XIRP2: variants seen among roughly 807,000 people sequenced by gnomAD.
The protein encoded by XIRP2 is xin actin-binding repeat-containing protein 2.
XIRP2 carries 236 observed loss-of-function variants against 277.0 expected under a neutral mutation model. The observed-to-expected ratio is 0.85, with a 90% confidence interval of 0.77 to 0.95. The LOEUF is 0.95. Ranked by LOEUF, XIRP2 falls within the 40% of genes least tolerant of loss-of-function variation. The pLI is 0.00. For synonymous variants in XIRP2, 1,490 were observed against 1,416.5 expected, an observed-to-expected ratio of 1.05 and a Z score of -1.17; for missense variants, 4,640 against 4,157.5, an observed-to-expected ratio of 1.12 and a Z score of -3.19.
At chr2:167,176,280 T>A (rs551335657) in intron 3 of XIRP2, among the ~76,000 whole-genome samples, 117 of 152,004 alleles carry the variant, frequency 7.7e-4, no homozygotes, top group African/African-American at 2.7e-3. Flanking sequence ...CCCCTTACAC[T>A]TCCCACGTGA....
rs1445397269 is a variant in XIRP2 at position 167,246,139 on chromosome 2, G to C, written c.4747G>C (p.Ala1583Pro). 1 of 1,613,112 alleles carries C rather than the reference G, an allele frequency of 6.2e-7. No homozygotes were observed. The change falls in exon 9 of 11, where the codon GCA (alanine) becomes CCA (proline). Residue 1583 changes from alanine (A) to proline (P), a missense_variant. Transcript: ENST00000409195. ...EADEIGDVRM[A>P]KYKLMNQASP... ...TGATGAAATAGGGGATGTTCGAATG[G>C]CAAAATACAAGCTAATGAACCAAGC...
At chr2:167,240,611 A>G in intron 6 of XIRP2, 53 bp from the exon 7 acceptor site, 1 of 1,502,568 alleles carries the variant, frequency 6.7e-7, no homozygotes, top group Admixed American at 1.7e-5. Flanking sequence ...TTGTAGTACT[A>G]AAATAATTGA....
chr2:167,026,930 C>T (rs1456940723), intron 2 of XIRP2, among the ~76,000 whole-genome samples: 2 of 152,074 alleles, frequency 1.3e-5, no homozygotes, highest in African/African-American at 4.8e-5. Flanking sequence ...TCTGGCTGCC[C>T]TTAACATTTT....
chr2:167,200,098 G>C (rs759179683), intron 3 of XIRP2, among the ~76,000 whole-genome samples: 2 of 152,192 alleles, frequency 1.3e-5, no homozygotes, highest in Non-Finnish European at 2.9e-5. Context: ...AAGGAGATGC[G>C]TATTCAAACT....
chr2:167,037,742 A>G (rs996210022), intron 2 of XIRP2, among the ~76,000 whole-genome samples: 7 of 152,104 alleles, frequency 4.6e-5, no homozygotes, highest in African/African-American at 1.7e-4. Context: ...GGAAAACATT[A>G]AAAACATAAT....
chr2:167,191,768 C>T (rs1238525538), intron 3 of XIRP2, among the ~76,000 whole-genome samples: 1 of 152,136 alleles, frequency 6.6e-6, no homozygotes, highest in Non-Finnish European at 1.5e-5. Context: ...AGATCTTTGT[C>T]TTTTACATTT....
intron 2 of XIRP2, among the ~76,000 whole-genome samples, chr2:166,946,986 A>G (rs954582357): frequency 2.6e-5 from 4 of 152,170 alleles, no homozygotes; most frequent in African/African-American, 9.6e-5. Flanking sequence ...AATGAAAGGC[A>G]TAGCCCCCAC....
chr2:167,045,452 C>T (rs1446381189), intron 2 of XIRP2, among the ~76,000 whole-genome samples: 1 of 151,880 alleles, frequency 6.6e-6, no homozygotes, highest in Non-Finnish European at 1.5e-5. Context: ...ACTATCATGA[C>T]CGAGTAAACA....
At chr2:167,080,230 A>C (rs551698731) in intron 2 of XIRP2, among the ~76,000 whole-genome samples, 1 of 152,320 alleles carries the variant, frequency 6.6e-6, no homozygotes, top group South Asian at 2.1e-4. Flanking sequence ...TGAAGGAAAG[A>C]TGTGGGGTAA....
chr2:167,052,354 A>G (rs1688936339), intron 2 of XIRP2, among the ~76,000 whole-genome samples: 1 of 152,090 alleles, frequency 6.6e-6, no homozygotes, highest in Admixed American at 6.6e-5. Flanking sequence ...TATCTAATCC[A>G]ATTAAAATCT....
At chr2:167,218,435 G>A in intron 5 of XIRP2, 135 bp downstream of exon 5, 1 of 1,001,066 alleles carries the variant, frequency 1.0e-6, no homozygotes, top group Non-Finnish European at 1.3e-6. Flanking sequence ...GCTTTGAAAT[G>A]TTCTAGAAAA....
At chr2:167,031,018 CT>C (rs35008535) in intron 2 of XIRP2, among the ~76,000 whole-genome samples, 114 of 144,132 alleles carry the variant, frequency 7.9e-4, no homozygotes, top group Middle Eastern at 7.2e-3. Context: ...GCAAGCTTTG[CT>C]TTTTTTTTTT....
In XIRP2 at chr2:167,203,421, T is replaced by G. The variant is rs558026478; in HGVS notation, c.563-7314T>G. Among the ~76,000 whole-genome samples the G allele has an allele frequency of 7.9e-5, 12 of 152,344 alleles. 1 individual carries two copies. Among genetic ancestry groups the G allele is most frequent in the African/African-American group, 2.4e-4 (10 of 41,576 alleles). On this transcript the variant is annotated intron_variant, in intron 3 of 10. Transcript: ENST00000409195. ...ATAATCAAATGAATGGATGGATTTT[T>G]GGGAAGGTAACAAGTACACATACAA...
chr2:166,995,116 G>T (rs1315990645), intron 2 of XIRP2, among the ~76,000 whole-genome samples: 1 of 151,962 alleles, frequency 6.6e-6, no homozygotes, highest in East Asian at 1.9e-4. Flanking sequence ...TCTTGACCTC[G>T]TGATCCCCCC....
chr2:167,153,984 A>T (rs1574303074), intron 3 of XIRP2, among the ~76,000 whole-genome samples: 1 of 150,696 alleles, frequency 6.6e-6, no homozygotes, highest in Admixed American at 6.6e-5. Context: ...GAATCGCCAC[A>T]CTGACTTCCA....
intron 3 of XIRP2, among the ~76,000 whole-genome samples, chr2:167,189,492 T>C (rs981256954): frequency 2.0e-5 from 3 of 152,246 alleles, no homozygotes; most frequent in African/African-American, 7.2e-5. Flanking sequence ...CCTCCTCTTA[T>C]GAAAGCATTG....
intron 2 of XIRP2, among the ~76,000 whole-genome samples, chr2:166,926,189 A>T (rs367830080): frequency 1.1e-4 from 16 of 152,092 alleles, no homozygotes; most frequent in Admixed American, 8.5e-4. Flanking sequence ...TTCTTATCCA[A>T]CTATGTTTGG....
chr2:166,926,026 A>G (rs947197046), intron 2 of XIRP2, among the ~76,000 whole-genome samples: 5 of 151,974 alleles, frequency 3.3e-5, no homozygotes, highest in Admixed American at 2.6e-4. Context: ...GTAAGCTACA[A>G]TGGTGCTACT....
At chr2:167,107,491 A>C (rs1053553574) in intron 2 of XIRP2, among the ~76,000 whole-genome samples, 3 of 151,740 alleles carry the variant, frequency 2.0e-5, no homozygotes, top group Non-Finnish European at 4.4e-5. Flanking sequence ...TATTAATATG[A>C]TGAATTTCAC....
Sources: allele counts gnomAD v4.1 joint callset (sites outside exome capture counted in the v4.1 genomes callset), GRCh38; gene constraint gnomAD v4.1.1; transcripts MANE v1.5; gene names NCBI Gene and HGNC (gene_info 2026-07-23, HGNC 2026-07-21).